The following NEDD4L variants were observed in gnomAD, a reference collection of about 807,000 sequenced individuals.
NEDD4L encodes NEDD4 like E3 ubiquitin protein ligase.
NEDD4L carries 54 observed loss-of-function variants against 148.9 expected under a neutral mutation model. The ratio of observed to expected loss-of-function variants is 0.36; its 90% CI spans 0.29 to 0.45. The LOEUF is 0.45. Among genes scored for constraint, NEDD4L ranks in the 20% least tolerant of loss-of-function variants. NEDD4L has a pLI of 1.00. For synonymous variants in NEDD4L, 433 were observed against 440.7 expected (o/e 0.98, Z 0.22); for missense variants, 856 against 1,233.8 (o/e 0.69, Z 4.59).
At chr18:58,393,056 C>T (rs1332246349) in intron 30 of NEDD4L, among the ~76,000 whole-genome samples, 1 of 152,226 alleles carries the variant, frequency 6.6e-6, no homozygotes, top group East Asian at 1.9e-4. Context: ...TACCACTACA[C>T]CAGATACACT....
chr18:58,298,794 G>A (rs772209711), intron 5 of NEDD4L, among the ~76,000 whole-genome samples: 19 of 152,234 alleles, frequency 1.2e-4, no homozygotes, highest in Non-Finnish European at 2.1e-4. Context: ...CATTTTATAT[G>A]ACAATGTCTC....
At chr18:58,050,548 G>A (rs997653831) in intron 1 of NEDD4L, among the ~76,000 whole-genome samples, 5 of 152,006 alleles carry the variant, frequency 3.3e-5, no homozygotes, top group Non-Finnish European at 7.4e-5. Flanking sequence ...ATCACCTGAG[G>A]TCAGGAGTTT....
chr18:58,068,567 C>T (rs948574707), intron 1 of NEDD4L, among the ~76,000 whole-genome samples: 16 of 152,162 alleles, frequency 1.1e-4, no homozygotes, highest in South Asian at 2.1e-4. Flanking sequence ...TGCTTTTAGT[C>T]TCAGCAGATG....
chr18:58,390,760 G>A lies in NEDD4L; in HGVS notation c.2752+18G>A, dbSNP rs2049704619. 1.3e-6 allele frequency: 2 copies of A among 1,532,522 alleles called. No homozygotes were observed. Among genetic ancestry groups the A allele is most frequent in the Non-Finnish European group, 8.9e-7 (1 of 1,121,042 alleles). 94.9% of individuals were successfully genotyped at this position (1,532,522 alleles called of 1,614,324 possible). A position where few individuals can be genotyped will look rare whatever the true frequency, so the allele number is the denominator to read the frequency against. On this transcript the variant is annotated intron_variant, in intron 29 of 30. Coordinates refer to ENST00000400345, the MANE Select transcript of NEDD4L (RefSeq NM_001144967.3). ...ACTTTATGGTGAGCAGGATACCATT[G>A]GATTCAGTTGTCCTCCTGGGAATTT...
At chr18:58,276,492 A>G (rs2052035441) in intron 5 of NEDD4L, among the ~76,000 whole-genome samples, 1 of 152,014 alleles carries the variant, frequency 6.6e-6, no homozygotes, top group South Asian at 2.1e-4. Flanking sequence ...TACAGGCGTG[A>G]GCCACCGTGC....
intron 16 of NEDD4L, among the ~76,000 whole-genome samples, chr18:58,348,453 T>G (rs561544688): frequency 6.9e-5 from 10 of 144,290 alleles, no homozygotes; most frequent in African/African-American, 2.6e-4. Context: ...TAACTCAGCC[T>G]CCCGAGTAGC....
At chr18:58,067,310 A>G (rs1291685705) in intron 1 of NEDD4L, among the ~76,000 whole-genome samples, 2 of 152,256 alleles carry the variant, frequency 1.3e-5, no homozygotes, top group African/African-American at 2.4e-5. Flanking sequence ...GTCAGTGTAC[A>G]TACATATATC....
Position 58,389,072 on chromosome 18 carries a change from A to T in NEDD4L, c.2548-13A>T. 1 of 1,609,566 alleles carries T rather than the reference A, an allele frequency of 6.2e-7. No individual in the cohort carries two copies. The highest frequency in any genetic ancestry group is 8.5e-7 in the Non-Finnish European group (1 of 1,176,336). On this transcript the variant is annotated splice_polypyrimidine_tract_variant and intron_variant, in intron 27 of 30. Transcript: ENST00000400345. ...CACATCCTGCTTTTACATCTGGTAA[A>T]TTTTCTTCCTAGTTGCTCATGTGCG...
intron 5 of NEDD4L, among the ~76,000 whole-genome samples, chr18:58,286,106 G>T (rs1328619263): frequency 2.6e-5 from 4 of 152,014 alleles, no homozygotes; most frequent in African/African-American, 9.7e-5. Context: ...ACTCACCATG[G>T]GTATATTTAA....
Position 58,338,603 on chromosome 18 carries a change from T to C in NEDD4L, c.1126-2435T>C, listed in dbSNP as rs188863421. 1.3e-3 allele frequency among the ~76,000 whole-genome samples: 199 copies of C among 152,338 alleles called. 1 individual carries two copies. The highest frequency in any genetic ancestry group is 4.7e-3 in the African/African-American group (194 of 41,584). Reference sequence around the variant, plus strand: ...ATTTTCCACAAACTGATTAGTGCTATTCACTGTGGCTGTATGAAAGTAACC... The same window carrying C: ...ATTTTCCACAAACTGATTAGTGCTACTCACTGTGGCTGTATGAAAGTAACC... On this transcript the variant is annotated intron_variant, in intron 13 of 30. Transcript: ENST00000400345.
chr18:58,372,904 T>C (rs1462321607), intron 23 of NEDD4L, among the ~76,000 whole-genome samples: 2 of 151,818 alleles, frequency 1.3e-5, no homozygotes, highest in African/African-American at 2.4e-5. Flanking sequence ...TAGACCAGTA[T>C]GGCAGCTCCA....
intron 1 of NEDD4L, among the ~76,000 whole-genome samples, chr18:58,095,921 GA>G (rs932105875): frequency 2.2e-4 from 33 of 148,792 alleles, no homozygotes; most frequent in African/African-American, 8.2e-4. Flanking sequence ...CCTTTTGTGT[GA>G]TTTTTTTTTT....
chr18:58,351,149 G>A, intron 18 of NEDD4L, 104 bp downstream of exon 18: 1 of 1,531,936 alleles, frequency 6.5e-7, no homozygotes. Flanking sequence ...TATCTAGGCA[G>A]CCAGGTGTTA....
chr18:58,273,324 A>T (rs1473213416), intron 5 of NEDD4L, among the ~76,000 whole-genome samples: 1 of 152,208 alleles, frequency 6.6e-6, no homozygotes, highest in Non-Finnish European at 1.5e-5. Context: ...GCAATTTGTA[A>T]AATTATGACA....
intron 5 of NEDD4L, among the ~76,000 whole-genome samples, chr18:58,294,958 T>C (rs1387611989): frequency 6.6e-6 from 1 of 152,258 alleles, no homozygotes; most frequent in East Asian, 1.9e-4. Flanking sequence ...AAACTGACTT[T>C]ATTTTTTTGG....
chr18:58,195,091 C>T (rs938333632), intron 2 of NEDD4L, among the ~76,000 whole-genome samples: 1 of 152,194 alleles, frequency 6.6e-6, no homozygotes, highest in African/African-American at 2.4e-5. Context: ...AGAGGAGTTT[C>T]CTTATTGCCT....
chr18:58,272,133 A>G (rs2051136482), intron 5 of NEDD4L, among the ~76,000 whole-genome samples: 1 of 152,226 alleles, frequency 6.6e-6, no homozygotes, highest in East Asian at 1.9e-4. Flanking sequence ...AAGTGTTATT[A>G]TATAAGATCA....
chr18:58,357,898 T>C (rs567696630), intron 19 of NEDD4L, among the ~76,000 whole-genome samples: 1 of 152,266 alleles, frequency 6.6e-6, no homozygotes, highest in East Asian at 1.9e-4. Flanking sequence ...ATCTCACACT[T>C]GTTAACAAGT....
Position 58,076,617 on chromosome 18 carries a change from A to G in NEDD4L, c.48+31909A>G, listed in dbSNP as rs189240830. On this transcript the variant is annotated intron_variant, in intron 1 of 30. Coordinates refer to ENST00000400345, the MANE Select transcript of NEDD4L (RefSeq NM_001144967.3). The stretch of plus-strand genomic sequence containing the variant: ...TTGGACATACCTTTGAGTAGTGGGT[A>G]AACTGAGAGCTCAGTGAGGTGAGCC... 8.9e-4 allele frequency among the ~76,000 whole-genome samples: 135 copies of G among 152,222 alleles called. 1 individual carries two copies. Among genetic ancestry groups the G allele is most frequent in the Non-Finnish European group, 1.2e-4 (8 of 68,024 alleles).
Sources: gnomAD v4.1 joint callset for allele counts (sites outside exome capture counted in the v4.1 genomes callset) on GRCh38, gnomAD v4.1.1 for gene constraint, MANE v1.5 for transcripts, NCBI Gene and HGNC (gene_info 2026-07-23, HGNC 2026-07-21) for gene names.